The following TDO2 variants were observed in gnomAD, a reference collection of about 807,000 sequenced individuals.
TDO2 encodes the protein tryptamin 2,3-dioxygenase.
A neutral mutation model predicts 61.2 loss-of-function variants in TDO2; 63 were observed. That is an observed-to-expected ratio of 1.03 (90% confidence interval 0.84 to 1.27). The LOEUF is 1.27. TDO2 is among the 50% of genes most tolerant of loss of function. The pLI is 0.00. For missense variants in TDO2, 494 were observed against 469.5 expected (o/e 1.05, Z -0.48); for synonymous variants, 183 against 164.0 (o/e 1.12, Z -0.89).
intron 3 of TDO2, chr4:155,907,306 A>G (rs960118997): frequency 2.6e-5 from 4 of 155,398 alleles, no homozygotes; most frequent in African/African-American, 9.6e-5. Context: ...AAGTTCTTAA[A>G]ATCCTACAGT....
At position 155,915,895 on chromosome 4, in the gene TDO2, G is replaced by A. The variant is rs1198920895; in HGVS notation, c.879G>A (p.Leu293=). 14 of 1,610,240 alleles carry A rather than the reference G, an allele frequency of 8.7e-6. No individual in the cohort carries two copies. Among genetic ancestry groups the A allele is most frequent in the Admixed American group, 1.7e-5 (1 of 59,284 alleles). ...CATACAGAGCACTTCAGGGAGCATTGATGATATATTTTTACAGGTAAAGCA... is the reference window on the plus strand; with the variant it reads ...CATACAGAGCACTTCAGGGAGCATTAATGATATATTTTTACAGGTAAAGCA... ...RLSYRALQGA[L]MIYFYREEPR... The change falls in exon 9 of 12, where the codon TTG becomes TTA. Residue 293 remains leucine, a synonymous_variant. Transcript: ENST00000536354.
intron 8 of TDO2, among the ~76,000 whole-genome samples, chr4:155,915,056 A>G (rs888737065): frequency 6.6e-6 from 1 of 152,044 alleles, no homozygotes; most frequent in Non-Finnish European, 1.5e-5. Flanking sequence ...TGCTTGACTG[A>G]CCAAGATACC....
chr4:155,916,202 C>A (rs1387556189), intron 9 of TDO2, among the ~76,000 whole-genome samples: 1 of 119,902 alleles, frequency 8.3e-6, no homozygotes, highest in African/African-American at 3.2e-5. Context: ...GAGTCTCGCT[C>A]TGTGGCCCAG....
At chr4:155,910,458 TATC>T (rs1423920091) in intron 6 of TDO2, among the ~76,000 whole-genome samples, 2 of 152,148 alleles carry the variant, frequency 1.3e-5, no homozygotes, top group Non-Finnish European at 2.9e-5. Flanking sequence ...TTAATAACCT[TATC>T]ATCTCAATAA....
Position 155,918,183 on chromosome 4 carries a change from C to T in TDO2, c.1011C>T (p.Gly337=). The part of the protein sequence containing the change: ...NHVCMVHRML[G]SKAGTGGSSG... ...TGTGCATGGTGCACAGAATGCTGGG[C>T]AGCAAAGCTGGCACCGGTGGTTCCT... Residue 337 remains glycine (G), a synonymous_variant, in exon 11 of 12, where the codon GGC becomes GGT. Transcript: ENST00000536354. 8 of 1,614,058 alleles carry T rather than the reference C, an allele frequency of 5.0e-6. No homozygotes were observed. The highest frequency in any genetic ancestry group is 3.4e-6 in the Non-Finnish European group (4 of 1,179,952).
Position 155,918,195 on chromosome 4 carries a change from C to A in TDO2, c.1023C>A (p.Gly341=), listed in dbSNP as rs760003112. 3.3e-5 allele frequency: 54 copies of A among 1,613,980 alleles called. No homozygotes were observed. Among genetic ancestry groups the A allele is most frequent in the Non-Finnish European group, 4.4e-5 (52 of 1,179,964 alleles). ...ACAGAATGCTGGGCAGCAAAGCTGG[C>A]ACCGGTGGTTCCTCAGGCTATCACT... is the stretch of plus-strand genomic sequence containing the variant. ...MVHRMLGSKA[G]TGGSSGYHYL... is the part of the protein sequence containing the mutation. Residue 341 remains glycine (G), a synonymous_variant, in exon 11 of 12, where the codon GGC becomes GGA. Transcript: ENST00000536354.
intron 3 of TDO2, 21 bp from the exon 4 acceptor site, chr4:155,907,701 A>C (rs755803878): frequency 5.0e-6 from 8 of 1,589,882 alleles, no homozygotes; most frequent in Non-Finnish European, 6.9e-6. Flanking sequence ...TTTCCAACTG[A>C]CAATGATTTC....
In TDO2 at chr4:155,907,742, C is replaced by T. The variant is rs776045715; in HGVS notation, c.253C>T (p.Gln85Ter). Residue 85 changes from glutamine to a stop codon, truncating the protein, a stop_gained, in exon 4 of 12, where the codon CAA becomes TAA. Transcript: ENST00000536354. LOFTEE classifies it high-confidence loss of function. ...TACAGCTTATGAACTCTGGTTTAAG[C>T]AAATCCTCTGGGAGTTGGATTCTGT... ...THQAYELWFK[Q>*]ILWELDSVRE... 1.9e-6 allele frequency: 3 copies of T among 1,613,052 alleles called. No homozygotes were observed. Among genetic ancestry groups the T allele is most frequent in the Non-Finnish European group, 1.7e-6 (2 of 1,179,582 alleles).
chr4:155,907,794 T>G lies in TDO2; in HGVS notation c.303+2T>G. The G allele has an allele frequency of 2.5e-6, 4 of 1,609,906 alleles. No homozygotes were observed. In the South Asian group the frequency reaches 4.4e-5, roughly 18 times the overall value. ...CGAGAGATCTTTCAGAATGGCCATG[T>G]AAGTTCTTATGTCACAATATTGGTT... On this transcript the variant is annotated splice_donor_variant, in intron 4 of 11. Transcript: ENST00000536354. LOFTEE classifies it high-confidence loss of function.
rs189385750 is a variant in TDO2, at chr4:155,915,694, A to C, written c.839-161A>C. On this transcript the variant is annotated intron_variant, in intron 8 of 11. Coordinates refer to ENST00000536354, the MANE Select transcript of TDO2 (RefSeq NM_005651.4). ...ATGTTAAAATTGTATTTTAAGTGAT[A>C]TGTTTACAAATTCAACCTAAGGGAT... is the stretch of plus-strand genomic sequence containing the variant. Among the ~76,000 whole-genome samples the C allele has an allele frequency of 8.5e-4, 129 of 152,316 alleles. 4 individuals are homozygous for C. The highest frequency in any genetic ancestry group is 4.3e-4 in the Non-Finnish European group (29 of 68,022).
At chr4:155,914,727 A>G (rs1252212107) in intron 8 of TDO2, among the ~76,000 whole-genome samples, 1 of 152,200 alleles carries the variant, frequency 6.6e-6, no homozygotes, top group African/African-American at 2.4e-5. Context: ...TAATAGGGAC[A>G]GAAATGAAGA....
rs769643918 is a variant in TDO2 at position 155,910,023 on chromosome 4, A to G, written c.432-2A>G. The G allele has an allele frequency of 1.3e-6, 2 of 1,534,894 alleles. No homozygotes were observed. Among genetic ancestry groups the G allele is most frequent in the South Asian group, 1.3e-5 (1 of 79,060 alleles). ...CTTTCCTTCCACCATTTAATCTCAAAGAGAGTACTTATCTCCAGCATCAGG... is the reference window on the plus strand; with the variant it reads ...CTTTCCTTCCACCATTTAATCTCAAGGAGAGTACTTATCTCCAGCATCAGG... On this transcript the variant is annotated splice_acceptor_variant, in intron 5 of 11. Transcript: ENST00000536354. LOFTEE classifies it high-confidence loss of function.
chr4:155,914,416 G>T lies in TDO2; in HGVS notation c.820G>T (p.Glu274Ter), dbSNP rs752463138. 1 of 1,593,580 alleles carries T rather than the reference G, an allele frequency of 6.3e-7. No individual in the cohort carries two copies. The highest frequency in any genetic ancestry group is 8.5e-7 in the Non-Finnish European group (1 of 1,174,968). ...GTCCTTATTTGATGAGAAACGTCAT[G>T]AACATCTCCTTAGTAAAGGCAGGTA... is the stretch of plus-strand genomic sequence containing the variant. ...LLSLFDEKRHEHLLSKGERRL... is the reference protein window; with the variant it reads ...LLSLFDEKRH The change falls in exon 8 of 12, where the codon GAA becomes TAA. Residue 274 changes from glutamate to a stop codon, truncating the protein, a stop_gained. Coordinates refer to ENST00000536354, the MANE Select transcript of TDO2 (RefSeq NM_005651.4). LOFTEE classifies it high-confidence loss of function.
chr4:155,915,760 T>A (rs1742919461), intron 8 of TDO2, 95 bp from the exon 9 acceptor site: 1 of 965,528 alleles, frequency 1.0e-6, no homozygotes, highest in African/African-American at 1.7e-5. Context: ...TCTAAACACA[T>A]GTAATCCATT....
rs376385476 is a variant in TDO2, at chr4:155,907,791, A to G, written c.302A>G (p.His101Arg). ...GTTCGAGAGATCTTTCAGAATGGCC[A>G]TGTAAGTTCTTATGTCACAATATTG... ...DSVREIFQNG[H>R]VRDERNMLKV... is the part of the protein sequence containing the mutation. Residue 101 changes from histidine (H) to arginine (R), a missense_variant and splice_region_variant, in exon 4 of 12, where the codon CAT becomes CGT. Transcript: ENST00000536354. 5 of 1,611,374 alleles carry G rather than the reference A, an allele frequency of 3.1e-6. No individual in the cohort carries two copies. Among genetic ancestry groups the G allele is most frequent in the African/African-American group, 1.3e-5 (1 of 74,862 alleles).
At chr4:155,913,578 A>G (rs1742876872) in intron 7 of TDO2, among the ~76,000 whole-genome samples, 1 of 152,148 alleles carries the variant, frequency 6.6e-6, no homozygotes, top group African/African-American at 2.4e-5. Context: ...TATTCCTACC[A>G]GATAATTCCT....
chr4:155,908,418 G>T (rs150968882), intron 4 of TDO2, among the ~76,000 whole-genome samples: 64 of 119,790 alleles, frequency 5.3e-4, no homozygotes, highest in African/African-American at 1.6e-3. Flanking sequence ...TCCAAGAAGG[G>T]CTAGGAGACA....
In TDO2 at chr4:155,907,779, T is replaced by C. The variant is rs1210851584; in HGVS notation, c.290T>C (p.Phe97Ser). ...LWELDSVREI[F>S]QNGHVRDERN... Reference sequence around the variant, plus strand: ...GAGTTGGATTCTGTTCGAGAGATCTTTCAGAATGGCCATGTAAGTTCTTAT... The same window carrying C: ...GAGTTGGATTCTGTTCGAGAGATCTCTCAGAATGGCCATGTAAGTTCTTAT... The change falls in exon 4 of 12, where the codon TTT becomes TCT. Residue 97 changes from phenylalanine to serine, a missense_variant. Transcript: ENST00000536354. 13 of 1,612,946 alleles carry C rather than the reference T, an allele frequency of 8.1e-6. No homozygotes were observed. Among genetic ancestry groups the C allele is most frequent in the African/African-American group, 1.3e-5 (1 of 74,894 alleles).
At chr4:155,906,919 A>C (rs938594241) in intron 3 of TDO2, 1 of 152,204 alleles carries the variant, frequency 6.6e-6, no homozygotes, top group Non-Finnish European at 1.5e-5. Flanking sequence ...GATTGATTCC[A>C]ACTATGCTTC....
Sources: allele counts gnomAD v4.1 joint callset (sites outside exome capture counted in the v4.1 genomes callset), GRCh38; gene constraint gnomAD v4.1.1; transcripts MANE v1.5; gene names NCBI Gene and HGNC (gene_info 2026-07-23, HGNC 2026-07-21).